MGST1: variants seen among roughly 807,000 people sequenced by gnomAD.
MGST1 encodes microsomal glutathione S-transferase 1, also known as glutathione S-transferase 12.
A neutral mutation model predicts 8.9 loss-of-function variants in MGST1; 5 were observed. The ratio of observed to expected loss-of-function variants is 0.56; its 90% confidence interval spans 0.29 to 1.19. The LOEUF (loss-of-function observed/expected upper bound fraction) is 1.19, where lower values mean the gene tolerates loss of function less well. Among genes scored for constraint, MGST1 ranks in the 50% most tolerant of loss-of-function variants. The pLI is 0.08. For missense variants in MGST1, 182 were observed against 187.4 expected, an observed-to-expected ratio of 0.97 and a Z score of 0.17; for synonymous variants, 54 against 67.8, an observed-to-expected ratio of 0.80 and a Z score of 1.00.
chr12:16,430,365 A>G (rs1940927005), intron 1 of MGST1, among the ~76,000 whole-genome samples: 1 of 152,190 alleles, frequency 6.6e-6, no homozygotes, highest in African/African-American at 2.4e-5. Context: ...AGAAAGATGA[A>G]TCTTTTCTAG....
intron 4 of MGST1, among the ~76,000 whole-genome samples, chr12:16,542,907 C>T (rs1941800933): frequency 6.6e-6 from 1 of 152,172 alleles, no homozygotes; most frequent in African/African-American, 2.4e-5. Flanking sequence ...TCTATACAAA[C>T]ACCCACATTC....
intron 4 of MGST1, among the ~76,000 whole-genome samples, chr12:16,580,608 A>G (rs1156635147): frequency 6.6e-6 from 1 of 152,204 alleles, no homozygotes; most frequent in East Asian, 1.9e-4. Context: ...GCATGGAAAA[A>G]TGTAGATCAT....
At chr12:16,419,463 A>G (rs1940815394) in intron 1 of MGST1, among the ~76,000 whole-genome samples, 1 of 152,094 alleles carries the variant, frequency 6.6e-6, no homozygotes, top group African/African-American at 2.4e-5. Context: ...TATTTCCTAG[A>G]GAGATTCCTT....
exon 2 of MGST1, chr12:16,437,904 T>C (rs1941002447): frequency 6.6e-6 from 1 of 151,954 alleles, no homozygotes; most frequent in Non-Finnish European, 1.5e-5. Flanking sequence ...TATTTTAAAG[T>C]ATTCCTGGGT....
intron 2 of MGST1, among the ~76,000 whole-genome samples, chr12:16,355,224 T>G (rs985933559): frequency 1.7e-4 from 24 of 144,750 alleles, no homozygotes; most frequent in African/African-American, 6.2e-4. Context: ...TTTTTTTTTT[T>G]GTGAGATGGA....
In MGST1 at chr12:16,410,421, A is replaced by G. The variant is rs1323771469; in HGVS notation, n.778+26817A>G. Among the ~76,000 whole-genome samples, 1 of 152,006 alleles carries G rather than the reference A, an allele frequency of 6.6e-6. No homozygotes were observed. Among genetic ancestry groups the G allele is most frequent in the African/African-American group, 2.4e-5 (1 of 41,414 alleles). On this transcript the variant is annotated intron_variant and non_coding_transcript_variant, in intron 1 of 1. Transcript: ENST00000359720. This position sits in a 1 kb window ranked among gnomAD's most constrained non-coding sequence, Gnocchi z 4.4. ...ACCAGTTCTCACCCGAATTGCTGCA[A>G]TAGCCCGTCTGTGTTTTCTAAATCT...
intron 4 of MGST1, among the ~76,000 whole-genome samples, chr12:16,446,699 C>G (rs1471994017): frequency 6.6e-6 from 1 of 151,754 alleles, no homozygotes; most frequent in Admixed American, 6.6e-5. Context: ...CTGTGACAGC[C>G]CCTCCTATCA....
At chr12:16,466,817 C>CA (rs1281431522) in intron 4 of MGST1, among the ~76,000 whole-genome samples, 1 of 152,162 alleles carries the variant, frequency 6.6e-6, no homozygotes, top group Non-Finnish European at 1.5e-5. Context: ...AGCATGGCCT[C>CA]AAACTTTGAA....
chr12:16,486,849 G>A (rs1941401815), intron 4 of MGST1, among the ~76,000 whole-genome samples: 2 of 151,520 alleles, frequency 1.3e-5, no homozygotes, highest in Admixed American at 6.6e-5. Flanking sequence ...AGCTAAGGTG[G>A]ACAAAAAACA....
chr12:16,568,363 C>A lies in MGST1; in HGVS notation n.483-21165C>A, dbSNP rs190640860. 3.9e-5 allele frequency among the ~76,000 whole-genome samples: 6 copies of A among 152,264 alleles called. No homozygotes were observed. The East Asian group carries it at 1.2e-3, about 29-fold the overall frequency. ...AAACATAGAAAACAGAAAAGCAATA[C>A]CCTCCATACTCTGGATGTGGATCTT... On this transcript the variant is annotated intron_variant and non_coding_transcript_variant, in intron 4 of 4. Transcript: ENST00000538857.
chr12:16,573,516 C>G (rs1942892251), intron 4 of MGST1: 1 of 151,882 alleles, frequency 6.6e-6, no homozygotes, highest in Admixed American at 6.6e-5. Context: ...CTCAGCCTGT[C>G]AAAAAAACCT....
intron 4 of MGST1, among the ~76,000 whole-genome samples, chr12:16,491,756 T>C (rs1941440401): frequency 6.6e-6 from 1 of 152,196 alleles, no homozygotes; most frequent in South Asian, 2.1e-4. Flanking sequence ...AATGAATGTT[T>C]CTCTTTTTTT....
intron 1 of MGST1, among the ~76,000 whole-genome samples, chr12:16,392,829 A>C (rs541098852): frequency 1.3e-5 from 2 of 152,292 alleles, no homozygotes; most frequent in Non-Finnish European, 2.9e-5. Flanking sequence ...AGATAGATTG[A>C]AATATACATT....
intron 1 of MGST1, among the ~76,000 whole-genome samples, chr12:16,398,518 G>A (rs796721891): frequency 5.3e-5 from 8 of 152,256 alleles, no homozygotes; most frequent in African/African-American, 1.9e-4. Context: ...TTCACTAGAA[G>A]CAGTACATGA....
intron 4 of MGST1, among the ~76,000 whole-genome samples, chr12:16,495,929 A>G (rs1021192978): frequency 4.6e-5 from 7 of 152,152 alleles, no homozygotes; most frequent in African/African-American, 1.7e-4. Flanking sequence ...TTGATTAATT[A>G]TAGTCCCCTT....
intron 4 of MGST1, among the ~76,000 whole-genome samples, chr12:16,525,417 G>C (rs544953464): frequency 7.0e-4 from 106 of 151,520 alleles, no homozygotes; most frequent in African/African-American, 2.2e-3. Context: ...TCTTGCGATA[G>C]TTTACTGAGA....
chr12:16,451,687 G>A (rs760932681), intron 4 of MGST1, among the ~76,000 whole-genome samples: 61 of 151,762 alleles, frequency 4.0e-4, no homozygotes, highest in Non-Finnish European at 4.3e-4. Flanking sequence ...AACTTTGGTG[G>A]AAAAGGTTTT....
At chr12:16,407,992 A>C (rs1196195812) in intron 1 of MGST1, among the ~76,000 whole-genome samples, 1 of 139,772 alleles carries the variant, frequency 7.2e-6, no homozygotes, top group African/African-American at 2.7e-5. Context: ...AGATCACGCC[A>C]CTGCATTCCA....
chr12:16,354,785 A>G (rs1421919583), intron 2 of MGST1: 1 of 151,248 alleles, frequency 6.6e-6, no homozygotes, highest in Non-Finnish European at 1.5e-5. Context: ...AAAAAATAGA[A>G]AAAAAAAGAA....
Sources: gnomAD v4.1 joint callset for allele counts (sites outside exome capture counted in the v4.1 genomes callset) on GRCh38, gnomAD v4.1.1 for gene constraint, Gnocchi (gnomAD v3.1) non-coding constraint, MANE v1.5 for transcripts, NCBI Gene and HGNC (gene_info 2026-07-23, HGNC 2026-07-21) for gene names.